The following FUT9 variants were observed in gnomAD, a reference collection of about 807,000 sequenced individuals.
FUT9 encodes the protein fucosyltransferase 9.
FUT9 carries 15 observed loss-of-function variants against 29.7 expected under a neutral mutation model. The observed-to-expected ratio is 0.51, with a 90% CI of 0.34 to 0.78. FUT9 has a LOEUF of 0.78. Ranked by LOEUF, FUT9 falls within the 30% of genes least tolerant of loss-of-function variation. The pLI, the probability that FUT9 is intolerant of heterozygous loss-of-function variation, is 0.01. For synonymous variants in FUT9, 169 were observed against 153.7 expected, an observed-to-expected ratio of 1.10 and a Z score of -0.74; for missense variants, 319 against 425.4, an observed-to-expected ratio of 0.75 and a Z score of 2.20.
At chr6:96,127,855 G>C (rs1772161786) in intron 2 of FUT9, among the ~76,000 whole-genome samples, 1 of 152,072 alleles carries the variant, frequency 6.6e-6, no homozygotes, top group South Asian at 2.1e-4. Flanking sequence ...CATGTCCTTT[G>C]CCCACTTTTA....
intron 1 of FUT9, among the ~76,000 whole-genome samples, chr6:96,028,762 A>G (rs1167404322): frequency 2.0e-5 from 3 of 151,656 alleles, no homozygotes; most frequent in Non-Finnish European, 4.4e-5. Flanking sequence ...TCAGAATATT[A>G]TATAATAATG....
At chr6:96,195,489 A>G (rs929904823) in intron 2 of FUT9, among the ~76,000 whole-genome samples, 13 of 152,090 alleles carry the variant, frequency 8.5e-5, no homozygotes, top group African/African-American at 3.1e-4. Context: ...AGTAAAGGGC[A>G]TTTTTCCCAA....
chr6:96,212,286 G>C lies in FUT9; in HGVS notation c.*8051G>C. On this transcript the variant is annotated 3_prime_UTR_variant, in exon 3 of 3. Transcript: ENST00000302103. Reference sequence around the variant, plus strand: ...CTTGTCCAAGGTGAGATTGCCAGAGGATATGAGCTCATCTAGGATGGAATA... The same window carrying C: ...CTTGTCCAAGGTGAGATTGCCAGAGCATATGAGCTCATCTAGGATGGAATA... 1 of 412,666 alleles carries C rather than the reference G, an allele frequency of 2.4e-6. No individual in the cohort carries two copies. Among genetic ancestry groups the C allele is most frequent in the Non-Finnish European group, 4.4e-6 (1 of 225,586 alleles). The allele number at this position is 412,666 out of a possible 1,614,324, so 25.6% of individuals were successfully genotyped here.
intron 2 of FUT9, among the ~76,000 whole-genome samples, chr6:96,175,339 T>G (rs540928340): frequency 1.1e-4 from 17 of 152,194 alleles, no homozygotes; most frequent in Non-Finnish European, 2.2e-4. Flanking sequence ...AGGCTTTGTA[T>G]TTTTGTTTCC....
intron 2 of FUT9, among the ~76,000 whole-genome samples, chr6:96,119,133 G>A (rs539837079): frequency 1.2e-4 from 19 of 152,220 alleles, no homozygotes; most frequent in South Asian, 1.2e-3. Flanking sequence ...AAAGTCTACC[G>A]TAGTGTACAG....
intron 1 of FUT9, among the ~76,000 whole-genome samples, chr6:96,065,735 A>G (rs1770951413): frequency 6.6e-6 from 1 of 152,206 alleles, no homozygotes; most frequent in East Asian, 1.9e-4. Context: ...TTTTAATTAC[A>G]AGCTATATGC....
intron 2 of FUT9, among the ~76,000 whole-genome samples, chr6:96,182,212 T>C (rs994903846): frequency 6.6e-6 from 1 of 152,034 alleles, no homozygotes; most frequent in Non-Finnish European, 1.5e-5. Flanking sequence ...TTATTGGACA[T>C]TTGTATATTT....
intron 2 of FUT9, among the ~76,000 whole-genome samples, chr6:96,150,657 A>G (rs1271056592): frequency 1.3e-5 from 2 of 152,180 alleles, no homozygotes; most frequent in African/African-American, 4.8e-5. Context: ...AGTGGAGAAA[A>G]GGCACAGTTG....
At chr6:96,059,115 T>C (rs1770828522) in intron 1 of FUT9, among the ~76,000 whole-genome samples, 1 of 152,248 alleles carries the variant, frequency 6.6e-6, no homozygotes, top group South Asian at 2.1e-4. Flanking sequence ...TTGAAGAATG[T>C]TGATATAAAA....
intron 1 of FUT9, among the ~76,000 whole-genome samples, chr6:96,055,115 T>A (rs553986810): frequency 6.6e-6 from 1 of 152,312 alleles, no homozygotes; most frequent in East Asian, 1.9e-4. Context: ...TCTGCTCTTA[T>A]TTAATACTGT....
chr6:96,121,119 T>G, intron 2 of FUT9, among the ~76,000 whole-genome samples: 1 of 152,152 alleles, frequency 6.6e-6, no homozygotes. Flanking sequence ...CTGCTTTATT[T>G]TGGTAACTAA....
intron 1 of FUT9, among the ~76,000 whole-genome samples, chr6:96,068,694 C>T (rs7746369): frequency 0.56 from 84,271 of 151,716 alleles, 23,483 homozygotes; most frequent in South Asian, 0.64. Flanking sequence ...ACTAGAGAAA[C>T]GAGGAAAGTT....
At chr6:96,017,885 T>C (rs577791193) in intron 1 of FUT9, among the ~76,000 whole-genome samples, 14 of 152,194 alleles carry the variant, frequency 9.2e-5, no homozygotes, top group African/African-American at 3.4e-4. Flanking sequence ...GAAGGGAAAG[T>C]TGAGCCATCA....
chr6:96,112,083 T>G (rs1771819483), intron 1 of FUT9, among the ~76,000 whole-genome samples: 1 of 152,184 alleles, frequency 6.6e-6, no homozygotes, highest in South Asian at 2.1e-4. Context: ...AGCAGAATAG[T>G]CTTACAAACA....
chr6:96,090,860 A>C (rs559348238), intron 1 of FUT9, among the ~76,000 whole-genome samples: 1 of 152,238 alleles, frequency 6.6e-6, no homozygotes, highest in Non-Finnish European at 1.5e-5. Flanking sequence ...AATTAAAATA[A>C]ATGCAGGAGT....
intron 2 of FUT9, among the ~76,000 whole-genome samples, chr6:96,128,040 C>T (rs1008160052): frequency 6.6e-6 from 1 of 151,488 alleles, no homozygotes; most frequent in Non-Finnish European, 1.5e-5. Flanking sequence ...AATTAGATTC[C>T]ACTTGTCAAT....
chr6:96,201,368 T>C (rs1263232328), intron 2 of FUT9, among the ~76,000 whole-genome samples: 2 of 152,016 alleles, frequency 1.3e-5, no homozygotes, highest in Non-Finnish European at 2.9e-5. Flanking sequence ...TGGTATTACA[T>C]TTGAATTTCT....
intron 1 of FUT9, among the ~76,000 whole-genome samples, chr6:96,104,155 A>T (rs1771636612): frequency 1.3e-5 from 2 of 152,054 alleles, no homozygotes; most frequent in Non-Finnish European, 2.9e-5. Flanking sequence ...ATTCCTAGTA[A>T]CTGCTTTCTA....
intron 1 of FUT9, among the ~76,000 whole-genome samples, chr6:96,089,156 C>A (rs1771370541): frequency 2.0e-5 from 3 of 152,118 alleles, no homozygotes; most frequent in Non-Finnish European, 4.4e-5. Flanking sequence ...TCCTTTTCTT[C>A]ATTTTGGTAG....
Sources: gnomAD v4.1 joint callset for allele counts (sites outside exome capture counted in the v4.1 genomes callset) on GRCh38, gnomAD v4.1.1 for gene constraint, MANE v1.5 for transcripts, NCBI Gene and HGNC (gene_info 2026-07-23, HGNC 2026-07-21) for gene names.